Variants in LRP1B observed in about 807,000 individuals in gnomAD.
LRP1B encodes low-density lipoprotein receptor-related protein 1B.
A neutral mutation model predicts 556.6 loss-of-function variants in LRP1B; 217 were observed. That is an observed-to-expected ratio of 0.39 (90% CI 0.35 to 0.44). The LOEUF is 0.44. Ranked by LOEUF, LRP1B falls within the 20% of genes least tolerant of loss-of-function variation. The probability of loss-of-function intolerance (pLI) is 1.00; values close to 1 mark genes in which losing one functional copy is unlikely to be tolerated. For missense variants in LRP1B, 5,053 were observed against 5,620.8 expected (o/e 0.90, Z 3.23); for synonymous variants, 2,047 against 1,865.8 (o/e 1.10, Z -2.50).
chr2:140,757,405 A>T (rs1688774906), intron 35 of LRP1B, among the ~76,000 whole-genome samples: 1 of 152,248 alleles, frequency 6.6e-6, no homozygotes, highest in Non-Finnish European at 1.5e-5. Flanking sequence ...AATGTCTATC[A>T]AATGATAAAT....
chr2:141,332,825 A>AT (rs61157230), intron 3 of LRP1B, among the ~76,000 whole-genome samples: 12 of 151,072 alleles, frequency 7.9e-5, no homozygotes, highest in Non-Finnish European at 1.5e-4. Context: ...AAAAAAAAAA[A>AT]GATTATGTTT....
chr2:141,861,252 T>C (rs905996194), intron 1 of LRP1B, among the ~76,000 whole-genome samples: 7 of 152,190 alleles, frequency 4.6e-5, no homozygotes, highest in Middle Eastern at 3.2e-3. Flanking sequence ...CAATCCTCTC[T>C]TCCTAAATCC....
intron 7 of LRP1B, among the ~76,000 whole-genome samples, chr2:141,169,877 G>A (rs1325085185): frequency 2.7e-5 from 4 of 149,440 alleles, no homozygotes; most frequent in Non-Finnish European, 4.4e-5. Context: ...GCTTATTCAT[G>A]AGGATTTTGT....
chr2:142,119,092 T>C (rs186901900), intron 1 of LRP1B, among the ~76,000 whole-genome samples: 2 of 152,298 alleles, frequency 1.3e-5, no homozygotes, highest in Non-Finnish European at 2.9e-5. Flanking sequence ...TTGAGATCTT[T>C]TGCTTCAATA....
chr2:141,882,879 G>T (rs1305624212), intron 1 of LRP1B, among the ~76,000 whole-genome samples: 3 of 152,034 alleles, frequency 2.0e-5, no homozygotes, highest in Non-Finnish European at 2.9e-5. Context: ...TTATCTTGAG[G>T]TAAGAGTCAA....
intron 1 of LRP1B, among the ~76,000 whole-genome samples, chr2:142,050,107 T>A (rs969412135): frequency 3.3e-5 from 5 of 152,164 alleles, no homozygotes; most frequent in Non-Finnish European, 7.4e-5. Context: ...CCTGTTAATT[T>A]TTTCCTGTTG....
intron 72 of LRP1B, among the ~76,000 whole-genome samples, chr2:140,361,611 T>C (rs1457390155): frequency 6.6e-6 from 1 of 151,126 alleles, no homozygotes; most frequent in East Asian, 2.0e-4. Context: ...CTTTGGTGTC[T>C]CTGGTGCCTC....
intron 7 of LRP1B, among the ~76,000 whole-genome samples, chr2:141,125,853 A>AAC (rs796798980): frequency 1.4e-5 from 2 of 147,648 alleles, no homozygotes; most frequent in East Asian, 1.9e-4. Context: ...GCAAAAAAAA[A>AAC]AAAAAAAACA....
intron 11 of LRP1B, among the ~76,000 whole-genome samples, chr2:141,042,899 T>C (rs1558820363): frequency 6.6e-6 from 1 of 151,858 alleles, no homozygotes; most frequent in Non-Finnish European, 1.5e-5. Context: ...GGGCCCATAC[T>C]TTACGTAAAA....
chr2:141,295,393 C>T (rs958611476), intron 3 of LRP1B, among the ~76,000 whole-genome samples: 18 of 151,960 alleles, frequency 1.2e-4, no homozygotes, highest in Non-Finnish European at 2.2e-4. Context: ...TCTTTCAAAC[C>T]GTAAGTCTTC....
chr2:141,467,843 G>GGT (rs1682300766), intron 3 of LRP1B, among the ~76,000 whole-genome samples: 2 of 133,302 alleles, frequency 1.5e-5, no homozygotes, highest in African/African-American at 5.5e-5. Flanking sequence ...GCGGACCGGG[G>GGT]GGGGGGGAAT....
chr2:141,850,547 A>C lies in LRP1B; in HGVS notation c.83-40146T>G, dbSNP rs767813649. On this transcript the variant is annotated intron_variant, in intron 1 of 90. Coordinates refer to ENST00000389484, the MANE Select transcript of LRP1B (RefSeq NM_018557.3). The stretch of plus-strand genomic sequence containing the variant: ...ATCTGTAGCATATATATACATTCCT[A>C]TATATATATATGTGTGTGTGTGTAT... 2.7e-4 allele frequency among the ~76,000 whole-genome samples: 41 copies of C among 150,034 alleles called. No homozygotes were observed. The Middle Eastern group carries it at 0.01, about 38-fold the overall frequency.
At chr2:141,225,645 C>T (rs1683218475) in intron 6 of LRP1B, among the ~76,000 whole-genome samples, 1 of 151,974 alleles carries the variant, frequency 6.6e-6, no homozygotes, top group African/African-American at 2.4e-5. Context: ...AGCTAAAATG[C>T]TAAATAATAA....
chr2:140,726,404 C>T (rs576938440), intron 35 of LRP1B, among the ~76,000 whole-genome samples: 1 of 152,246 alleles, frequency 6.6e-6, no homozygotes, highest in South Asian at 2.1e-4. Flanking sequence ...GAAATCACTG[C>T]TGTTCAATCT....
chr2:141,009,974 G>A (rs1246958492), intron 14 of LRP1B, among the ~76,000 whole-genome samples: 1 of 151,956 alleles, frequency 6.6e-6, no homozygotes, highest in African/African-American at 2.4e-5. Flanking sequence ...GGCTATGTCT[G>A]TCTGATCCTT....
In LRP1B at chr2:140,378,687, G is replaced by A. The variant is rs772143387; in HGVS notation, c.10532-401C>T. Among the ~76,000 whole-genome samples, 3 of 152,234 alleles carry A rather than the reference G, an allele frequency of 2.0e-5. No individual in the cohort carries two copies. The South Asian group carries it at 6.2e-4, about 32-fold the overall frequency. ...TGTGACTCTCTGTACCCATTGGACT[G>A]TTTATTATTAACTGGGCAGTGAGTC... On this transcript the variant is annotated intron_variant, in intron 67 of 90. Transcript: ENST00000389484.
At chr2:140,856,575 A>G (rs1200184606) in intron 27 of LRP1B, among the ~76,000 whole-genome samples, 5 of 152,172 alleles carry the variant, frequency 3.3e-5, no homozygotes, top group Non-Finnish European at 4.4e-5. Context: ...CAACTCTGCT[A>G]CTATAACACA....
At chr2:141,866,579 C>T (rs1207597789) in intron 1 of LRP1B, among the ~76,000 whole-genome samples, 3 of 152,080 alleles carry the variant, frequency 2.0e-5, no homozygotes, top group African/African-American at 7.2e-5. Context: ...TTTATTAGTA[C>T]TATTTGATCC....
chr2:140,628,577 A>G (rs1683762064), intron 41 of LRP1B, among the ~76,000 whole-genome samples: 1 of 151,930 alleles, frequency 6.6e-6, no homozygotes, highest in Non-Finnish European at 1.5e-5. Context: ...GCTCACTCAC[A>G]CTACAAATGT....
Sources: gnomAD v4.1 joint callset for allele counts (sites outside exome capture counted in the v4.1 genomes callset) on GRCh38, gnomAD v4.1.1 for gene constraint, MANE v1.5 for transcripts, NCBI Gene and HGNC (gene_info 2026-07-23, HGNC 2026-07-21) for gene names.